PDE11A: variants seen among roughly 807,000 people sequenced by gnomAD.
PDE11A encodes phosphodiesterase 11A.
A neutral mutation model predicts 100.5 loss-of-function variants in PDE11A; 100 were observed. That is an observed-to-expected ratio of 1.00 (90% CI 0.85 to 1.18). The LOEUF (loss-of-function observed/expected upper bound fraction) is 1.18. Among genes scored for constraint, PDE11A ranks in the 50% most tolerant of loss-of-function variants. PDE11A has a pLI of 0.00. For synonymous variants in PDE11A, 381 were observed against 420.8 expected, an observed-to-expected ratio of 0.91 and a Z score of 1.16; for missense variants, 1,141 against 1,152.6, an observed-to-expected ratio of 0.99 and a Z score of 0.15.
chr2:177,637,069 G>A (rs59903527), intron 19 of PDE11A, among the ~76,000 whole-genome samples: 4,522 of 152,344 alleles, frequency 0.03, 129 homozygotes, highest in South Asian at 0.073. Context: ...GGAGAAATAA[G>A]AGGAGTTTCT....
intron 2 of PDE11A, among the ~76,000 whole-genome samples, chr2:178,004,991 C>A (rs1377562723): frequency 6.6e-6 from 1 of 152,026 alleles, no homozygotes; most frequent in African/African-American, 2.4e-5. Context: ...TCTTGAACTT[C>A]AAGTTTTAGT....
At chr2:177,938,178 T>C (rs2085301210) in intron 2 of PDE11A, among the ~76,000 whole-genome samples, 1 of 152,104 alleles carries the variant, frequency 6.6e-6, no homozygotes, top group African/African-American at 2.4e-5. Flanking sequence ...TTGTTAAATA[T>C]GTTTAAGAGA....
At chr2:178,092,219 C>T (rs2087431903) in intron 2 of PDE11A, among the ~76,000 whole-genome samples, 1 of 152,146 alleles carries the variant, frequency 6.6e-6, no homozygotes. Context: ...AGTTGTTAGA[C>T]TTACAAACTA....
intron 2 of PDE11A, chr2:178,104,169 C>G (rs2087591291): frequency 2.5e-6 from 2 of 807,694 alleles, no homozygotes; most frequent in Non-Finnish European, 4.2e-6. Context: ...TGATATAAAT[C>G]CATATTTCAG....
intron 1 of PDE11A, among the ~76,000 whole-genome samples, chr2:178,065,780 T>C (rs895081012): frequency 4.6e-5 from 7 of 152,140 alleles, no homozygotes. Context: ...GTGTAGACCA[T>C]ATCTATCAGC....
chr2:177,869,135 AC>A (rs1354905441), intron 5 of PDE11A, among the ~76,000 whole-genome samples: 1 of 152,260 alleles, frequency 6.6e-6, no homozygotes, highest in African/African-American at 2.4e-5. Context: ...TCAAACTCAC[AC>A]ACTAAAATTG....
chr2:177,680,191 T>C (rs1425825778), intron 16 of PDE11A, among the ~76,000 whole-genome samples: 3 of 151,976 alleles, frequency 2.0e-5, no homozygotes, highest in African/African-American at 7.3e-5. Context: ...TTAGCAATGT[T>C]AGAACAGGGA....
chr2:178,077,653 G>C (rs561933856), upstream of PDE11A, among the ~76,000 whole-genome samples: 2 of 152,294 alleles, frequency 1.3e-5, no homozygotes, highest in Non-Finnish European at 2.9e-5. Flanking sequence ...ATGTCCACCA[G>C]AATCTGTGAA....
At chr2:177,887,516 C>A (rs1161613737) in intron 4 of PDE11A, among the ~76,000 whole-genome samples, 7 of 151,992 alleles carry the variant, frequency 4.6e-5, no homozygotes, top group Non-Finnish European at 1.0e-4. Flanking sequence ...GTAATCCCAA[C>A]ACTTTGGGAG....
chr2:177,644,597 T>A (rs1213543505), intron 19 of PDE11A, among the ~76,000 whole-genome samples: 1 of 152,190 alleles, frequency 6.6e-6, no homozygotes, highest in Non-Finnish European at 1.5e-5. Context: ...TGTGAACTTT[T>A]GAGTTAATGC....
At chr2:177,855,799 A>T (rs754812920) in intron 5 of PDE11A, among the ~76,000 whole-genome samples, 1 of 152,034 alleles carries the variant, frequency 6.6e-6, no homozygotes, top group Admixed American at 6.6e-5. Flanking sequence ...CTTGCAGCTA[A>T]CAAGAAGCTG....
At chr2:178,053,250 C>T (rs2086851945) in intron 1 of PDE11A, among the ~76,000 whole-genome samples, 1 of 152,174 alleles carries the variant, frequency 6.6e-6, no homozygotes, top group Admixed American at 6.5e-5. Context: ...ATAAACAGAA[C>T]CAATGACAAA....
Position 178,104,391 on chromosome 2 carries a change from T to G in PDE11A, c.73A>C (p.Thr25Pro), listed in dbSNP as rs751164878. The change falls in exon 2 of 21, where the codon ACA becomes CCA. Residue 25 changes from threonine (T) to proline (P), a missense_variant. Transcript: ENST00000358450. Reference sequence around the variant, plus strand: ...GCCCCAGAGATTTGGACCAGTCTTGTGATTTTCACCTTTTTCCACTGTGTG... The same window carrying G: ...GCCCCAGAGATTTGGACCAGTCTTGGGATTTTCACCTTTTTCCACTGTGTG... 4.3e-6 allele frequency: 7 copies of G among 1,614,010 alleles called. No individual in the cohort carries two copies. In the Admixed American group the frequency reaches 1.2e-4, roughly 27 times the overall value.
chr2:177,992,145 C>A (rs980926077), intron 2 of PDE11A, among the ~76,000 whole-genome samples: 3 of 150,954 alleles, frequency 2.0e-5, no homozygotes, highest in African/African-American at 7.3e-5. Flanking sequence ...AAAATAGCAC[C>A]AAAAAATCTA....
chr2:178,009,006 A>G (rs1477724009), intron 2 of PDE11A, among the ~76,000 whole-genome samples: 1 of 152,214 alleles, frequency 6.6e-6, no homozygotes, highest in East Asian at 1.9e-4. Flanking sequence ...CAATAAACAT[A>G]TCATACTTTA....
intron 6 of PDE11A, among the ~76,000 whole-genome samples, chr2:177,824,775 T>A (rs777028793): frequency 5.3e-5 from 8 of 152,164 alleles, no homozygotes; most frequent in African/African-American, 1.2e-4. Context: ...ATATTATGCA[T>A]CTAATTAAAA....
In PDE11A at chr2:177,773,747, T is replaced by C. The variant is rs74572895; in HGVS notation, c.1738-4374A>G. ...CTAGCTAAAGAATCTTTCAACTACCTTTTCCCAGAAGAGTACAATCCATGT... is the reference window on the plus strand; with the variant it reads ...CTAGCTAAAGAATCTTTCAACTACCCTTTCCCAGAAGAGTACAATCCATGT... On this transcript the variant is annotated intron_variant, in intron 9 of 19. Coordinates refer to ENST00000286063, the MANE Select transcript of PDE11A (RefSeq NM_016953.4). Among the ~76,000 whole-genome samples, 330 of 152,300 alleles carry C rather than the reference T, an allele frequency of 2.2e-3. 1 individual carries two copies. The highest frequency in any genetic ancestry group is 7.6e-3 in the African/African-American group (315 of 41,572).
chr2:177,998,710 C>T, intron 2 of PDE11A: 2 of 1,056,688 alleles, frequency 1.9e-6, no homozygotes, highest in Non-Finnish European at 2.9e-6. Flanking sequence ...TGCTGGCCCA[C>T]TCGCTCCGTG....
chr2:177,912,999 C>A (rs1040782794), intron 2 of PDE11A, among the ~76,000 whole-genome samples: 1 of 152,110 alleles, frequency 6.6e-6, no homozygotes, highest in Non-Finnish European at 1.5e-5. Context: ...CATAGGGGAT[C>A]TTATTGGTAG....
Sources: allele counts gnomAD v4.1 joint callset (sites outside exome capture counted in the v4.1 genomes callset), GRCh38; gene constraint gnomAD v4.1.1; transcripts MANE v1.5; gene names NCBI Gene and HGNC (gene_info 2026-07-23, HGNC 2026-07-21).